Variants in SLC16A9 observed in about 807,000 individuals in gnomAD.
SLC16A9 encodes solute carrier family 16 member 9, also known as monocarboxylate transporter 9.
In SLC16A9, 26 loss-of-function variants were observed where a neutral mutation model predicts 44.3. The observed-to-expected ratio is 0.59, with a 90% CI of 0.43 to 0.81. The LOEUF (loss-of-function observed/expected upper bound fraction) is 0.81. Among genes scored for constraint, SLC16A9 ranks in the 40% least tolerant of loss-of-function variants. The pLI, the probability that SLC16A9 is intolerant of heterozygous loss-of-function variation, is 0.00. For missense variants in SLC16A9, 559 were observed against 595.8 expected, an observed-to-expected ratio of 0.94 and a Z score of 0.64; for synonymous variants, 230 against 225.1, an observed-to-expected ratio of 1.02 and a Z score of -0.19.
chr10:59,690,962 G>A (rs1840240483), intron 1 of SLC16A9, among the ~76,000 whole-genome samples: 2 of 152,156 alleles, frequency 1.3e-5, no homozygotes, highest in African/African-American at 2.4e-5. Context: ...GCACGCGCCT[G>A]TAATCCCAGC....
At chr10:59,678,167 T>G (rs1407168549) in intron 2 of SLC16A9, among the ~76,000 whole-genome samples, 9 of 151,736 alleles carry the variant, frequency 5.9e-5, no homozygotes, top group Non-Finnish European at 2.9e-5. Flanking sequence ...ATACATAAGT[T>G]GGCTGATGCT....
At chr10:59,699,421 C>G (rs1840472569) in intron 1 of SLC16A9, among the ~76,000 whole-genome samples, 1 of 152,112 alleles carries the variant, frequency 6.6e-6, no homozygotes, top group African/African-American at 2.4e-5. Flanking sequence ...TACATGAGAA[C>G]GTCTATTCTA....
intron 2 of SLC16A9, among the ~76,000 whole-genome samples, chr10:59,678,796 G>T (rs1405507207): frequency 6.6e-6 from 1 of 151,082 alleles, no homozygotes; most frequent in Non-Finnish European, 1.5e-5. Flanking sequence ...ACCCGCCTCG[G>T]CCTCCCAAAG....
chr10:59,653,671 T>G lies in SLC16A9; in HGVS notation c.1351+4A>C. 6.2e-7 allele frequency: 1 copy of G among 1,604,022 alleles called. No individual in the cohort carries two copies. The highest frequency in any genetic ancestry group is 8.5e-7 in the Non-Finnish European group (1 of 1,174,784). On this transcript the variant is annotated splice_donor_region_variant and intron_variant, in intron 5 of 5. Coordinates refer to ENST00000395348, the MANE Select transcript of SLC16A9 (RefSeq NM_194298.3). ...ATGGGATGATTTTAAGATAAATATC[T>G]TACCAACGATGGGTGGTCCTAGGCT...
At position 59,664,317 on chromosome 10, in the gene SLC16A9, C is replaced by T. The variant is rs1270248212; in HGVS notation, c.346G>A (p.Gly116Arg). ...GTTGCAGTGTATAATAAACCACATC[C>T]AAGACCTAAGCATGAGAAGACATTG... The part of the protein sequence containing the change: ...FFSYGIVVGL[G>R]CGLLYTATVT... The change falls in exon 4 of 6, where the codon GGA becomes AGA. Residue 116 changes from glycine to arginine, a missense_variant. By Grantham distance (125) the Gly-to-Arg change is moderately radical. Transcript: ENST00000395348. 1 of 1,606,912 alleles carries T rather than the reference C, an allele frequency of 6.2e-7. No individual in the cohort carries two copies. The highest frequency in any genetic ancestry group is 1.7e-5 in the Admixed American group (1 of 59,310).
At chr10:59,688,806 GA>G (rs1840190520) in intron 1 of SLC16A9, among the ~76,000 whole-genome samples, 1 of 151,212 alleles carries the variant, frequency 6.6e-6, no homozygotes, top group Non-Finnish European at 1.5e-5. Context: ...AGCACTTCAG[GA>G]AAAGTACACA....
At chr10:59,681,983 A>G (rs1166594932) in intron 2 of SLC16A9, among the ~76,000 whole-genome samples, 2 of 151,340 alleles carry the variant, frequency 1.3e-5, no homozygotes, top group Non-Finnish European at 2.9e-5. Flanking sequence ...TTCTATGCTC[A>G]TCTTTAAAAG....
At chr10:59,661,695 A>G (rs1839478705) in intron 4 of SLC16A9, among the ~76,000 whole-genome samples, 1 of 152,202 alleles carries the variant, frequency 6.6e-6, no homozygotes, top group Non-Finnish European at 1.5e-5. Flanking sequence ...AGCCAAGACA[A>G]TTCTAAGCAA....
chr10:59,697,962 T>TAAAAA (rs34931109), intron 1 of SLC16A9, among the ~76,000 whole-genome samples: 1 of 136,108 alleles, frequency 7.3e-6, no homozygotes, highest in Non-Finnish European at 1.6e-5. Flanking sequence ...GGGCACACAG[T>TAAAAA]AAAAAAAAAA....
rs754510245 is a variant in SLC16A9 at position 59,672,791 on chromosome 10, A to G, written c.319T>C (p.Phe107Leu). The G allele has an allele frequency of 3.1e-5, 50 of 1,613,492 alleles. No homozygotes were observed. Among genetic ancestry groups the G allele is most frequent in the Non-Finnish European group, 4.2e-5 (49 of 1,179,746 alleles). ...TTACCTACAACAATGCCATAGGAAAAAAACAGAAAGTAGATATTGGGAGCA... is the reference window on the plus strand; with the variant it reads ...TTACCTACAACAATGCCATAGGAAAGAAACAGAAAGTAGATATTGGGAGCA... ...SFAPNIYFLF[F>L]SYGIVVGLGC... Residue 107 changes from phenylalanine to leucine, a missense_variant, in exon 3 of 6, where the codon TTT (phenylalanine) becomes CTT (leucine). Phe to Leu is a conservative substitution (Grantham distance 22). Coordinates refer to ENST00000395348, the MANE Select transcript of SLC16A9 (RefSeq NM_194298.3).
intron 1 of SLC16A9, among the ~76,000 whole-genome samples, chr10:59,691,314 C>G (rs1840247522): frequency 1.3e-5 from 2 of 152,108 alleles, no homozygotes; most frequent in African/African-American, 4.8e-5. Context: ...TCTGAGTGAC[C>G]AGACACCTTA....
intron 4 of SLC16A9, among the ~76,000 whole-genome samples, chr10:59,657,667 C>T (rs1839379441): frequency 6.6e-6 from 1 of 152,194 alleles, no homozygotes; most frequent in South Asian, 2.1e-4. Context: ...CAACTCCCAA[C>T]ACCTTCAACA....
intron 2 of SLC16A9, among the ~76,000 whole-genome samples, chr10:59,681,206 G>A (rs1033544926): frequency 6.6e-6 from 1 of 151,938 alleles, no homozygotes; most frequent in Non-Finnish European, 1.5e-5. Flanking sequence ...TTGTTTCTCT[G>A]TAGAGCAAAG....
rs557287672 is a variant in SLC16A9 at position 59,705,113 on chromosome 10, T to C, written c.-37+4366A>G. ...ATTTTTTTTCGTCCCACATCCTGTCTCTTCTCAGAGTTTAAGAGTTTCTTT... is the reference window on the plus strand; with the variant it reads ...ATTTTTTTTCGTCCCACATCCTGTCCCTTCTCAGAGTTTAAGAGTTTCTTT... On this transcript the variant is annotated intron_variant, in intron 1 of 5. Transcript: ENST00000395348. Among the ~76,000 whole-genome samples, 418 of 152,240 alleles carry C rather than the reference T, an allele frequency of 2.7e-3. 2 individuals carry two copies. The highest frequency in any genetic ancestry group is 9.0e-3 in the African/African-American group (375 of 41,530).
rs1040809524 is a variant in SLC16A9, at chr10:59,692,041, T to A, written c.-36-7714A>T. Among the ~76,000 whole-genome samples, 49 of 152,318 alleles carry A rather than the reference T, an allele frequency of 3.2e-4. 1 individual carries two copies. Among genetic ancestry groups the A allele is most frequent in the African/African-American group, 1.2e-3 (48 of 41,580 alleles). ...CCCATTTGAGCATTGTCTATAAACA[T>A]CTCCTTAAAGATTCATAGATAGACT... On this transcript the variant is annotated intron_variant, in intron 1 of 5. Transcript: ENST00000395348.
intron 2 of SLC16A9, among the ~76,000 whole-genome samples, chr10:59,683,779 T>C (rs1840072700): frequency 6.6e-6 from 1 of 152,240 alleles, no homozygotes; most frequent in African/African-American, 2.4e-5. Context: ...CTTACAAGAC[T>C]ATGAGCCTCT....
chr10:59,668,794 TACATTAA>T lies in SLC16A9; in HGVS notation c.340+3969_340+3975del, dbSNP rs546638115. On this transcript the variant is annotated intron_variant, in intron 3 of 5. Coordinates refer to ENST00000395348, the MANE Select transcript of SLC16A9 (RefSeq NM_194298.3). The stretch of plus-strand genomic sequence containing the variant: ...GCATTATGTAGATACTGCCTCAGAC[TACATTAA>T]AAAATCATAGTACCTTATTACACCT... 4.5e-3 allele frequency among the ~76,000 whole-genome samples: 693 copies of T among 152,334 alleles called. 10 individuals are homozygous for T. Among genetic ancestry groups the T allele is most frequent in the Non-Finnish European group, 5.2e-3 (355 of 68,030 alleles).
chr10:59,664,371 T>A (rs201783869), intron 3 of SLC16A9, 49 bp from the exon 4 acceptor site: 2 of 1,327,144 alleles, frequency 1.5e-6, no homozygotes, highest in Admixed American at 2.0e-5. Flanking sequence ...ATTACTTCAA[T>A]GCAAGAGAAA....
At chr10:59,699,008 T>C (rs1840462970) in intron 1 of SLC16A9, among the ~76,000 whole-genome samples, 1 of 152,170 alleles carries the variant, frequency 6.6e-6, no homozygotes, top group African/African-American at 2.4e-5. Flanking sequence ...CCTCCCGAAG[T>C]GCTGGGATTA....
Sources: gnomAD v4.1 joint callset for allele counts (sites outside exome capture counted in the v4.1 genomes callset) on GRCh38, gnomAD v4.1.1 for gene constraint, MANE v1.5 for transcripts, NCBI Gene and HGNC (gene_info 2026-07-23, HGNC 2026-07-21) for gene names.